The following KCNIP4 variants were observed in gnomAD, a reference collection of about 807,000 sequenced individuals.
The protein encoded by KCNIP4 is Kv channel-interacting protein 4.
Under a neutral mutation model 34.0 loss-of-function variants are expected in KCNIP4, and 12 were observed. That is an observed-to-expected ratio of 0.35 (90% CI 0.23 to 0.57). The LOEUF is 0.57. KCNIP4 is among the 20% of genes least tolerant of loss of function. KCNIP4 has a pLI of 0.83. For missense variants in KCNIP4, 238 were observed against 311.7 expected, an observed-to-expected ratio of 0.76 and a Z score of 1.78; for synonymous variants, 124 against 102.2, an observed-to-expected ratio of 1.21 and a Z score of -1.29.
chr4:21,233,089 C>G (rs1017796024), intron 1 of KCNIP4, among the ~76,000 whole-genome samples: 11 of 152,124 alleles, frequency 7.2e-5, no homozygotes, highest in African/African-American at 2.7e-4. Flanking sequence ...AAACGGGTCA[C>G]TTGCTAGGTT....
intron 2 of KCNIP4, among the ~76,000 whole-genome samples, chr4:20,867,959 G>GT (rs1021921444): frequency 6.6e-6 from 1 of 151,806 alleles, no homozygotes; most frequent in Non-Finnish European, 1.5e-5. Context: ...CATGACACAT[G>GT]TATACATATG....
At chr4:21,386,548 T>C (rs987591380) in intron 1 of KCNIP4, among the ~76,000 whole-genome samples, 1 of 152,208 alleles carries the variant, frequency 6.6e-6, no homozygotes, top group Non-Finnish European at 1.5e-5. Flanking sequence ...TGTTAATTCA[T>C]AAAATATTTC....
intron 1 of KCNIP4, among the ~76,000 whole-genome samples, chr4:21,711,401 G>A (rs1420397691): frequency 2.0e-5 from 3 of 152,174 alleles, no homozygotes; most frequent in Non-Finnish European, 4.4e-5. Context: ...GAACCTGGGA[G>A]GTGGAGGTTG....
chr4:21,836,951 T>G (rs999634410), intron 1 of KCNIP4, among the ~76,000 whole-genome samples: 2 of 142,360 alleles, frequency 1.4e-5, no homozygotes, highest in Non-Finnish European at 3.0e-5. Context: ...AGAGTCTGGC[T>G]CTGTCGCCTA....
At chr4:20,731,767 A>G (rs916566442) in intron 8 of KCNIP4, 4 of 985,402 alleles carry the variant, frequency 4.1e-6, no homozygotes, top group South Asian at 9.4e-5. Context: ...AACACAGTAC[A>G]TGTACAACTT....
chr4:21,773,738 T>TTG (rs1553930223), intron 1 of KCNIP4, among the ~76,000 whole-genome samples: 2 of 18,984 alleles, frequency 1.1e-4, no homozygotes, highest in African/African-American at 7.3e-4. Context: ...CCCTGTTTTT[T>TTG]TTTGTTGTTT....
chr4:20,882,763 G>A (rs1377390276), intron 1 of KCNIP4, 54 bp from the exon 2 acceptor site: 17 of 1,378,650 alleles, frequency 1.2e-5, no homozygotes, highest in South Asian at 1.1e-4. Flanking sequence ...GAAAAGGGAC[G>A]TGCTGCAGGG....
intron 1 of KCNIP4, among the ~76,000 whole-genome samples, chr4:21,947,451 A>T (rs1049856039): frequency 6.6e-6 from 1 of 152,210 alleles, no homozygotes; most frequent in East Asian, 1.9e-4. Flanking sequence ...TTCATATTCA[A>T]GTGAGACTAG....
At chr4:21,465,987 C>G (rs1729895439) in intron 1 of KCNIP4, among the ~76,000 whole-genome samples, 1 of 152,126 alleles carries the variant, frequency 6.6e-6, no homozygotes. Flanking sequence ...TTTTAGTCCT[C>G]TAGTTGTCAG....
At chr4:21,668,543 C>A (rs1345168698) in intron 1 of KCNIP4, among the ~76,000 whole-genome samples, 1 of 151,880 alleles carries the variant, frequency 6.6e-6, no homozygotes, top group Non-Finnish European at 1.5e-5. Context: ...TCAAGATTTT[C>A]AAAAATAATT....
At chr4:20,787,912 T>G (rs1314264405) in intron 3 of KCNIP4, among the ~76,000 whole-genome samples, 1 of 152,174 alleles carries the variant, frequency 6.6e-6, no homozygotes, top group African/African-American at 2.4e-5. Flanking sequence ...TATGAAGGTT[T>G]TTAATATCTA....
In KCNIP4 at chr4:21,274,071, A is replaced by G. The variant is rs186852699; in HGVS notation, c.62-391362T>C. Among the ~76,000 whole-genome samples the G allele has an allele frequency of 2.3e-3, 344 of 152,358 alleles. 3 individuals carry two copies. Among genetic ancestry groups the G allele is most frequent in the Non-Finnish European group, 3.4e-3 (230 of 68,034 alleles). On this transcript the variant is annotated intron_variant, in intron 1 of 8. Coordinates refer to ENST00000382152, the MANE Select transcript of KCNIP4 (RefSeq NM_025221.6). ...TTGCAGGTCTCATATGACCTTGGAA[A>G]AAATCAGGTAATTTCTCACTGCTTA...
intron 1 of KCNIP4, among the ~76,000 whole-genome samples, chr4:21,481,918 T>G (rs1334189337): frequency 6.6e-6 from 1 of 152,164 alleles, no homozygotes; most frequent in Non-Finnish European, 1.5e-5. Context: ...AAATAAAAGG[T>G]CTCCCATTAT....
intron 1 of KCNIP4, among the ~76,000 whole-genome samples, chr4:21,771,004 G>A (rs1318220886): frequency 6.6e-6 from 1 of 152,126 alleles, no homozygotes; most frequent in Non-Finnish European, 1.5e-5. Context: ...ATTTTTGCAT[G>A]AAGTCTTTGC....
chr4:21,335,637 A>G (rs1288281885), intron 1 of KCNIP4, among the ~76,000 whole-genome samples: 1 of 152,186 alleles, frequency 6.6e-6, no homozygotes, highest in Non-Finnish European at 1.5e-5. Flanking sequence ...GGATTGTTTT[A>G]ATAAACATTT....
intron 1 of KCNIP4, among the ~76,000 whole-genome samples, chr4:21,437,181 A>G (rs942461155): frequency 7.2e-5 from 11 of 152,314 alleles, no homozygotes; most frequent in Admixed American, 2.6e-4. Context: ...TGGCAAAAAA[A>G]GCAGAAGGTA....
intron 1 of KCNIP4, among the ~76,000 whole-genome samples, chr4:20,895,296 C>T (rs1726383679): frequency 6.6e-6 from 1 of 152,106 alleles, no homozygotes; most frequent in South Asian, 2.1e-4. Flanking sequence ...TCTTTCATTC[C>T]TTTGCTAGAA....
At chr4:21,923,098 T>G (rs1408552472) in intron 1 of KCNIP4, among the ~76,000 whole-genome samples, 1 of 152,146 alleles carries the variant, frequency 6.6e-6, no homozygotes. Context: ...TGCCACCCTA[T>G]TCTCTGCCAG....
intron 1 of KCNIP4, among the ~76,000 whole-genome samples, chr4:21,839,853 G>T (rs980635635): frequency 6.6e-6 from 1 of 152,094 alleles, no homozygotes; most frequent in African/African-American, 2.4e-5. Flanking sequence ...CTTGGGATAA[G>T]AATAGCTAGA....
Sources: allele counts gnomAD v4.1 joint callset (sites outside exome capture counted in the v4.1 genomes callset), GRCh38; gene constraint gnomAD v4.1.1; transcripts MANE v1.5; gene names NCBI Gene and HGNC (gene_info 2026-07-23, HGNC 2026-07-21).